ARHGAP28: variants seen among roughly 807,000 people sequenced by gnomAD.
ARHGAP28 encodes Rho GTPase activating protein 28, also known as rho GTPase-activating protein 28.
In ARHGAP28, 56 loss-of-function variants were observed where a neutral mutation model predicts 90.7. The ratio of observed to expected loss-of-function variants is 0.62; its 90% CI spans 0.50 to 0.77. ARHGAP28 has a LOEUF of 0.77. Ranked by LOEUF, ARHGAP28 falls within the 30% of genes least tolerant of loss-of-function variation. The pLI, the probability that ARHGAP28 is intolerant of heterozygous loss-of-function variation, is 0.00. For missense variants in ARHGAP28, 869 were observed against 900.9 expected, an observed-to-expected ratio of 0.96 and a Z score of 0.45; for synonymous variants, 308 against 323.3, an observed-to-expected ratio of 0.95 and a Z score of 0.51.
At position 6,824,650 on chromosome 18, in the gene ARHGAP28, C is replaced by T. The variant is rs942686311; in HGVS notation, c.123-112C>T. 6.1e-6 allele frequency: 6 copies of T among 980,030 alleles called. No individual in the cohort carries two copies. In the Admixed American group the frequency reaches 1.4e-4, roughly 23 times the overall value. 60.7% of individuals were successfully genotyped at this position (980,030 alleles called of 1,614,324 possible). On this transcript the variant is annotated intron_variant, in intron 1 of 17. Coordinates refer to ENST00000383472, the MANE Select transcript of ARHGAP28 (RefSeq NM_001366230.1). ...ACCTATCTCAACCATGGTTACTCCA[C>T]TTCTCCATTTGATTTAAACTTAATT...
chr18:6,757,718 A>G (rs1439855610), intron 1 of ARHGAP28, among the ~76,000 whole-genome samples: 1 of 152,200 alleles, frequency 6.6e-6, no homozygotes, highest in Non-Finnish European at 1.5e-5. Context: ...GACGTGTGAC[A>G]TCAAAGACAC....
At chr18:6,805,129 C>T (rs2056508589) in intron 1 of ARHGAP28, among the ~76,000 whole-genome samples, 1 of 152,042 alleles carries the variant, frequency 6.6e-6, no homozygotes, top group Non-Finnish European at 1.5e-5. Flanking sequence ...CCACCATGCC[C>T]AGCTGAAAGA....
rs2057418410 is a variant in ARHGAP28, at chr18:6,915,600, T to C, written c.*3446T>C. ...GACACTAGAAAACGCCAATGTTTTA[T>C]GTCTTTGCCCATCTCAAAAGCTAAT... On this transcript the variant is annotated 3_prime_UTR_variant, in exon 18 of 18. Transcript: ENST00000383472. 3 of 152,276 alleles carry C rather than the reference T, an allele frequency of 2.0e-5. No individual in the cohort carries two copies. In the South Asian group the frequency reaches 6.2e-4, roughly 31 times the overall value. The allele number at this position is 152,276 out of a possible 1,614,324, so 9.4% of individuals were successfully genotyped here. A position where few individuals can be genotyped will look rare whatever the true frequency, so the allele number is the denominator to read the frequency against.
intron 1 of ARHGAP28, among the ~76,000 whole-genome samples, chr18:6,757,959 G>A (rs2056125620): frequency 1.3e-5 from 2 of 152,176 alleles, no homozygotes; most frequent in South Asian, 4.1e-4. Flanking sequence ...TGGTTTCCCT[G>A]AGACTTGGCC....
intron 3 of ARHGAP28, among the ~76,000 whole-genome samples, chr18:6,845,270 G>A (rs2056857560): frequency 6.6e-6 from 1 of 151,954 alleles, no homozygotes; most frequent in South Asian, 2.1e-4. Flanking sequence ...ATAGAGATGA[G>A]GTCTCATTAT....
intron 16 of ARHGAP28, among the ~76,000 whole-genome samples, chr18:6,905,511 A>C (rs554955020): frequency 3.9e-5 from 6 of 152,342 alleles, no homozygotes; most frequent in African/African-American, 1.4e-4. Context: ...GCCCACATTC[A>C]TCAATCTCAT....
At chr18:6,831,471 G>GTTTTTTTTTTTTTTCTTTT (rs2056714365) in intron 2 of ARHGAP28, among the ~76,000 whole-genome samples, 10 of 109,308 alleles carry the variant, frequency 9.1e-5, no homozygotes, top group Admixed American at 2.0e-4. Flanking sequence ...GTATCTTGAT[G>GTTTTTTTTTTTTTTCTTTT]TTTTTTTTTT....
intron 9 of ARHGAP28, 67 bp downstream of exon 9, chr18:6,873,842 C>A (rs1368216460): frequency 4.6e-6 from 6 of 1,302,996 alleles, no homozygotes; most frequent in African/African-American, 1.5e-5. Flanking sequence ...ACTTTGTAAA[C>A]CCACAAATGA....
In ARHGAP28 at chr18:6,765,445, C is replaced by T. The variant is rs1032866237; in HGVS notation, c.122+35502C>T. Among the ~76,000 whole-genome samples, 7 of 152,084 alleles carry T rather than the reference C, an allele frequency of 4.6e-5. 2 individuals carry two copies. ...ATTCTTCAAAATATTCCCTTATTTT[C>T]TGTTTGTGATCTGTAGGATTTTTAG... On this transcript the variant is annotated intron_variant, in intron 1 of 17. Coordinates refer to ENST00000383472, the MANE Select transcript of ARHGAP28 (RefSeq NM_001366230.1).
At chr18:6,798,866 T>C (rs1387760728) in intron 1 of ARHGAP28, among the ~76,000 whole-genome samples, 1 of 152,236 alleles carries the variant, frequency 6.6e-6, no homozygotes, top group Non-Finnish European at 1.5e-5. Flanking sequence ...CTTACAATTC[T>C]TCTGTGTTTA....
intron 1 of ARHGAP28, among the ~76,000 whole-genome samples, chr18:6,816,330 G>A (rs1292395242): frequency 2.6e-5 from 4 of 152,202 alleles, no homozygotes; most frequent in African/African-American, 9.6e-5. Flanking sequence ...TGAGAAGCCA[G>A]AGCATAAGAA....
chr18:6,767,943 T>C (rs1335000788), intron 1 of ARHGAP28, among the ~76,000 whole-genome samples: 1 of 152,182 alleles, frequency 6.6e-6, no homozygotes, highest in Non-Finnish European at 1.5e-5. Context: ...ACCACATATG[T>C]TGGACTACTC....
intron 5 of ARHGAP28, among the ~76,000 whole-genome samples, chr18:6,867,144 C>T (rs1461196927): frequency 1.3e-5 from 2 of 152,086 alleles, no homozygotes; most frequent in Non-Finnish European, 2.9e-5. Context: ...TCTATTCATA[C>T]ACCATTTACA....
chr18:6,751,226 A>G (rs1336874008), intron 1 of ARHGAP28, among the ~76,000 whole-genome samples: 1 of 152,230 alleles, frequency 6.6e-6, no homozygotes, highest in Non-Finnish European at 1.5e-5. Context: ...AATGAAACAT[A>G]GAAAATGATA....
chr18:6,812,803 G>A (rs941963268), intron 1 of ARHGAP28, among the ~76,000 whole-genome samples: 3 of 152,084 alleles, frequency 2.0e-5, no homozygotes, highest in African/African-American at 4.8e-5. Flanking sequence ...TCTTTCTAAC[G>A]TTCATGTTGA....
intron 1 of ARHGAP28, among the ~76,000 whole-genome samples, chr18:6,760,819 T>C (rs540330267): frequency 6.6e-6 from 1 of 152,310 alleles, no homozygotes; most frequent in African/African-American, 2.4e-5. Context: ...AGTGACTCAA[T>C]CTCTTCAAGA....
chr18:6,845,841 T>C (rs1045651743), intron 3 of ARHGAP28, among the ~76,000 whole-genome samples: 3 of 152,214 alleles, frequency 2.0e-5, no homozygotes, highest in African/African-American at 7.2e-5. Context: ...CTATGTCATC[T>C]TAAATGTGTA....
At chr18:6,820,893 G>C (rs1169814634) in intron 1 of ARHGAP28, among the ~76,000 whole-genome samples, 2 of 152,198 alleles carry the variant, frequency 1.3e-5, no homozygotes, top group Non-Finnish European at 2.9e-5. Context: ...GAATGCGAGA[G>C]AAATGCTCAA....
intron 1 of ARHGAP28, among the ~76,000 whole-genome samples, chr18:6,804,322 C>T (rs1035062139): frequency 6.6e-6 from 1 of 152,050 alleles, no homozygotes; most frequent in Non-Finnish European, 1.5e-5. Context: ...CAATTTATGT[C>T]TTCTCTTTTT....
Sources: gnomAD v4.1 joint callset for allele counts (sites outside exome capture counted in the v4.1 genomes callset) on GRCh38, gnomAD v4.1.1 for gene constraint, MANE v1.5 for transcripts, NCBI Gene and HGNC (gene_info 2026-07-23, HGNC 2026-07-21) for gene names.